RAPH1: variants seen among roughly 807,000 people sequenced by gnomAD.
The protein encoded by RAPH1 is Ras association (RalGDS/AF-6) and pleckstrin homology domains 1, also known as ras-associated and pleckstrin homology domains-containing protein 1.
Under a neutral mutation model 88.1 loss-of-function variants are expected in RAPH1, and 18 were observed. The ratio of observed to expected loss-of-function variants is 0.20; its 90% CI spans 0.14 to 0.30. The LOEUF (loss-of-function observed/expected upper bound fraction) is 0.30. Ranked by LOEUF, RAPH1 falls within the 10% of genes least tolerant of loss-of-function variation. The pLI is 1.00. For synonymous variants in RAPH1, 587 were observed against 559.0 expected (o/e 1.05, Z -0.71); for missense variants, 1,448 against 1,543.2 (o/e 0.94, Z 1.03).
In RAPH1 at chr2:203,439,818, T is replaced by A; in HGVS notation, c.3372A>T (p.Arg1124=). 2 of 1,613,846 alleles carry A rather than the reference T, an allele frequency of 1.2e-6. No individual in the cohort carries two copies. The highest frequency in any genetic ancestry group is 1.3e-5 in the African/African-American group (1 of 74,920). The change falls in exon 14 of 14, where the codon CGA becomes CGT. Residue 1124 remains arginine (R), a synonymous_variant. Transcript: ENST00000319170. The part of the protein sequence containing the change: ...MSVKKAPPPT[R]PKRNDSTRLT... ...GGCGGGTGCTATCATTCCGTTTGGG[T>A]CGTGTGGGTGGAGGGGCCTTCTTCA...
chr2:203,527,738 T>C (rs1690187341), intron 1 of RAPH1, among the ~76,000 whole-genome samples: 1 of 146,598 alleles, frequency 6.8e-6, no homozygotes, highest in African/African-American at 2.6e-5. Flanking sequence ...AGGCGAAGGT[T>C]GTGGTGAGCC....
chr2:203,444,096 AAGG>A (rs139307574), intron 13 of RAPH1: 13,927 of 146,078 alleles, frequency 0.095, 1,444 homozygotes, highest in African/African-American at 0.25. Context: ...GGAGGGAGGA[AAGG>A]AGGGAAGGAA....
At chr2:203,526,737 A>G (rs1690137803) in intron 1 of RAPH1, among the ~76,000 whole-genome samples, 2 of 149,646 alleles carry the variant, frequency 1.3e-5, no homozygotes, top group Admixed American at 6.7e-5. Flanking sequence ...AATACAATAC[A>G]CTATGAAGTG....
intron 4 of RAPH1, among the ~76,000 whole-genome samples, chr2:203,482,031 C>G (rs751200686): frequency 8.6e-5 from 13 of 151,510 alleles, no homozygotes; most frequent in Non-Finnish European, 1.3e-4. Context: ...CACACACACA[C>G]AGATTTCCAA....
rs772079895 is a variant in RAPH1, at chr2:203,438,160, C to T, written c.*1277G>A. 4 of 518,810 alleles carry T rather than the reference C, an allele frequency of 7.7e-6. No individual in the cohort carries two copies. Among genetic ancestry groups the T allele is most frequent in the Non-Finnish European group, 1.5e-5 (4 of 259,818 alleles). The allele number at this position is 518,810 out of a possible 1,614,324, so 32.1% of individuals were successfully genotyped here. On this transcript the variant is annotated 3_prime_UTR_variant, in exon 14 of 14. Coordinates refer to ENST00000319170, the MANE Select transcript of RAPH1 (RefSeq NM_213589.3). ...ACCTAGTAACCTGAACTAATCACAACCAGGCTGCAGTCAGCAAGGGTCCTG... is the reference window on the plus strand; with the variant it reads ...ACCTAGTAACCTGAACTAATCACAATCAGGCTGCAGTCAGCAAGGGTCCTG...
At chr2:203,515,202 T>C (rs1218081080) in intron 1 of RAPH1, among the ~76,000 whole-genome samples, 2 of 152,230 alleles carry the variant, frequency 1.3e-5, no homozygotes, top group African/African-American at 4.8e-5. Flanking sequence ...TAATTATCTT[T>C]TGTGTTAACC....
At chr2:203,458,199 G>A (rs554657700) in intron 7 of RAPH1, among the ~76,000 whole-genome samples, 22 of 152,114 alleles carry the variant, frequency 1.4e-4, no homozygotes, top group East Asian at 3.9e-4. Flanking sequence ...GTGAAACCCC[G>A]TCTCTACTAA....
intron 1 of RAPH1, among the ~76,000 whole-genome samples, chr2:203,503,624 T>C (rs1688843027): frequency 6.6e-6 from 1 of 152,114 alleles, no homozygotes; most frequent in Non-Finnish European, 1.5e-5. Context: ...CCAAATCTCA[T>C]GTCCTCACAT....
In RAPH1 at chr2:203,457,331, C is replaced by T. The variant is rs141464572; in HGVS notation, c.1158+199G>A. ...CCTCCCGAGTAGCTGGGATTACAGG[C>T]GCCCACCACCACGCCTGGCTAATTT... On this transcript the variant is annotated intron_variant, in intron 8 of 13. Transcript: ENST00000319170. 1.2e-4 allele frequency among the ~76,000 whole-genome samples: 19 copies of T among 152,032 alleles called. No individual in the cohort carries two copies. The East Asian group carries it at 3.1e-3, about 25-fold the overall frequency.
At position 203,440,475 on chromosome 2, in the gene RAPH1, C is replaced by T; in HGVS notation, c.2715G>A (p.Gln905=). The T allele has an allele frequency of 2.0e-6, 3 of 1,535,642 alleles. No homozygotes were observed. Among genetic ancestry groups the T allele is most frequent in the Non-Finnish European group, 2.6e-6 (3 of 1,143,468 alleles). ...PPAVKAKPKW[Q]PSSIPVPSPD... ...GAGAAGGGACTGGGATGGAGCTGGG[C>T]TGCCACTTGGGCTTTGCTTTTACTG... The change falls in exon 14 of 14, where the codon CAG becomes CAA. Residue 905 remains glutamine, a synonymous_variant. Coordinates refer to ENST00000319170, the MANE Select transcript of RAPH1 (RefSeq NM_213589.3).
At chr2:203,491,054 AAAAAAAG>A (rs1464437780) in intron 3 of RAPH1, among the ~76,000 whole-genome samples, 153 bp downstream of exon 3, 2 of 151,900 alleles carry the variant, frequency 1.3e-5, no homozygotes, top group Admixed American at 6.6e-5. Context: ...CAAAAAAAAA[AAAAAAAG>A]AAAAAAGAAA....
rs1376543637 is a variant in RAPH1 at position 203,491,206 on chromosome 2, C to T, written c.226+8G>A. 1 of 1,573,594 alleles carries T rather than the reference C, an allele frequency of 6.4e-7. No homozygotes were observed. Among genetic ancestry groups the T allele is most frequent in the East Asian group, 2.2e-5 (1 of 44,616 alleles). ...CTATTTTACATTTTATTTCCAATTA[C>T]ATCTTACCATTCAAGTTGTATATGG... On this transcript the variant is annotated splice_region_variant and intron_variant, in intron 3 of 13. Coordinates refer to ENST00000319170, the MANE Select transcript of RAPH1 (RefSeq NM_213589.3).
At chr2:203,504,997 T>C (rs1196646233) in intron 1 of RAPH1, among the ~76,000 whole-genome samples, 1 of 152,206 alleles carries the variant, frequency 6.6e-6, no homozygotes, top group African/African-American at 2.4e-5. Flanking sequence ...CATATCACTA[T>C]CAGCATTTTT....
chr2:203,515,356 G>A (rs1279149262), intron 1 of RAPH1, among the ~76,000 whole-genome samples: 7 of 152,174 alleles, frequency 4.6e-5, no homozygotes, highest in Non-Finnish European at 8.8e-5. Flanking sequence ...AAATAACAGC[G>A]ATTCTAATCT....
rs1358345750 is a variant in RAPH1 at position 203,530,827 on chromosome 2, G to C, written c.-1+4284C>G. ...GAATCGCTTGAGCCTGGGAGGCAGA[G>C]GTTGCAGTGAGCTGAGATTGTGCCA... On this transcript the variant is annotated intron_variant, in intron 1 of 13. Transcript: ENST00000319170. Among the ~76,000 whole-genome samples the C allele has an allele frequency of 2.0e-5, 3 of 152,014 alleles. No homozygotes were observed. The East Asian group carries it at 5.8e-4, about 29-fold the overall frequency.
intron 1 of RAPH1, among the ~76,000 whole-genome samples, chr2:203,511,180 G>C (rs1170444710): frequency 6.6e-6 from 1 of 151,310 alleles, no homozygotes; most frequent in Non-Finnish European, 1.5e-5. Context: ...AACTACCACA[G>C]AAATATATTC....
Position 203,438,290 on chromosome 2 carries a change from T to A in RAPH1, c.*1147A>T, listed in dbSNP as rs1173140364. 2.2e-6 allele frequency: 1 copy of A among 447,792 alleles called. No individual in the cohort carries two copies. The highest frequency in any genetic ancestry group is 4.5e-6 in the Non-Finnish European group (1 of 223,384). 27.7% of individuals were successfully genotyped at this position (447,792 alleles called of 1,614,324 possible). A position where few individuals can be genotyped will look rare whatever the true frequency, so the allele number is the denominator to read the frequency against. ...TATAACCCATATACAACCAGATTAA[T>A]GACACCTGTACAGGGGCCAGTTCTG... is the stretch of plus-strand genomic sequence containing the variant. On this transcript the variant is annotated 3_prime_UTR_variant, in exon 14 of 14. Coordinates refer to ENST00000319170, the MANE Select transcript of RAPH1 (RefSeq NM_213589.3).
chr2:203,497,106 T>C (rs938253041), intron 1 of RAPH1, among the ~76,000 whole-genome samples: 5 of 152,200 alleles, frequency 3.3e-5, no homozygotes, highest in Non-Finnish European at 5.9e-5. Flanking sequence ...TCTTTATTAA[T>C]GGTATTAAGG....
At chr2:203,478,572 C>T (rs1687581960) in intron 4 of RAPH1, among the ~76,000 whole-genome samples, 1 of 152,116 alleles carries the variant, frequency 6.6e-6, no homozygotes, top group Non-Finnish European at 1.5e-5. Context: ...TCACTGCAAC[C>T]TCTGCCTTCC....
Sources: allele counts gnomAD v4.1 joint callset (sites outside exome capture counted in the v4.1 genomes callset), GRCh38; gene constraint gnomAD v4.1.1; transcripts MANE v1.5; gene names NCBI Gene and HGNC (gene_info 2026-07-23, HGNC 2026-07-21).